The following KCNQ1 variants were observed in gnomAD, a reference collection of about 807,000 sequenced individuals.
The protein encoded by KCNQ1 is potassium voltage-gated channel subfamily Q member 1.
A neutral mutation model predicts 72.4 loss-of-function variants in KCNQ1; 49 were observed. That is an observed-to-expected ratio of 0.68 (90% CI 0.54 to 0.86). The LOEUF (loss-of-function observed/expected upper bound fraction) is 0.86, where lower values mean the gene tolerates loss of function less well. KCNQ1 is among the 40% of genes least tolerant of loss of function. The pLI is 0.00. For missense variants in KCNQ1, 790 were observed against 945.1 expected (o/e 0.84, Z 2.15); for synonymous variants, 450 against 412.6 (o/e 1.09, Z -1.10).
intron 15 of KCNQ1, among the ~76,000 whole-genome samples, chr11:2,811,169 T>A (rs1847478486): frequency 6.6e-6 from 1 of 152,184 alleles, no homozygotes; most frequent in Non-Finnish European, 1.5e-5. Flanking sequence ...CACACCCCTG[T>A]ACAGCTACCC....
chr11:2,694,743 A>T, intron 11 of KCNQ1: 1 of 398,652 alleles, frequency 2.5e-6, no homozygotes, highest in East Asian at 3.6e-5. Flanking sequence ...AAATAAGTAG[A>T]TGTCTAAGGA....
rs777986556 is a variant in KCNQ1, at chr11:2,813,888, C to A, written c.1795-33879C>A. Among the ~76,000 whole-genome samples the A allele has an allele frequency of 6.6e-6, 1 of 151,072 alleles. No homozygotes were observed. The highest frequency in any genetic ancestry group is 2.4e-5 in the African/African-American group (1 of 40,982). On this transcript the variant is annotated intron_variant, in intron 15 of 15. Transcript: ENST00000155840. The surrounding 1 kb of genome is among the most constrained non-coding windows in gnomAD (Gnocchi z 4.4). ...GGAGGGAGGGTTGCAGAAAGGGATG[C>A]GTGGAAGGATGGTTGATGGATGGAT...
At position 2,481,319 on chromosome 11, in the gene KCNQ1, GC is replaced by G. The variant is rs1237408571; in HGVS notation, c.386+35836del. 1.3e-5 allele frequency among the ~76,000 whole-genome samples: 2 copies of G among 152,224 alleles called. No homozygotes were observed. Among genetic ancestry groups the G allele is most frequent in the African/African-American group, 4.8e-5 (2 of 41,452 alleles). ...ATCGTACCAAAAGCCAGAGATGCCA[GC>G]TTTTAGTTTCCTGCTAGTCTTTTTC... On this transcript the variant is annotated intron_variant, in intron 1 of 15. Transcript: ENST00000155840. This position sits in a 1 kb window ranked among gnomAD's most constrained non-coding sequence, Gnocchi z 4.6.
At position 2,501,718 on chromosome 11, in the gene KCNQ1, C is replaced by CAAAA. The variant is rs55865890; in HGVS notation, c.387-26184_387-26181dup. Among the ~76,000 whole-genome samples the CAAAA allele has an allele frequency of 7.4e-4, 51 of 68,904 alleles. 1 individual carries two copies. Among genetic ancestry groups the CAAAA allele is most frequent in the Admixed American group, 1.4e-3 (8 of 5,818 alleles). The allele number at this position is 68,904 out of a possible 152,430, so 45.2% of individuals were successfully genotyped here. ...TTACCAAAACCAGACAAAGATACAT[C>CAAAA]AAAAAAAAAAAAAAAAAAAAAAAAA... On this transcript the variant is annotated intron_variant, in intron 1 of 15. Coordinates refer to ENST00000155840, the MANE Select transcript of KCNQ1 (RefSeq NM_000218.3).
Position 2,445,141 on chromosome 11 carries a change from T to G in KCNQ1, c.43T>G (p.Trp15Gly). The G allele has an allele frequency of 2.7e-6, 3 of 1,123,128 alleles. No individual in the cohort carries two copies. Among genetic ancestry groups the G allele is most frequent in the East Asian group, 5.0e-5 (1 of 19,950 alleles). The allele number at this position is 1,123,128 out of a possible 1,614,324, so 69.6% of individuals were successfully genotyped here. The stretch of plus-strand genomic sequence containing the variant: ...CCCGCCCAGGGCCGAGAGGAAGCGC[T>G]GGGGTTGGGGCCGCCTGCCAGGCGC... ...SSPPRAERKR[W>G]GWGRLPGARR... is the part of the protein sequence containing the mutation. Residue 15 changes from tryptophan to glycine, a missense_variant, in exon 1 of 16, where the codon TGG (tryptophan) becomes GGG (glycine). Coordinates refer to ENST00000155840, the MANE Select transcript of KCNQ1 (RefSeq NM_000218.3).
At chr11:2,726,510 A>T (rs1845766917) in intron 11 of KCNQ1, among the ~76,000 whole-genome samples, 1 of 152,136 alleles carries the variant, frequency 6.6e-6, no homozygotes, top group African/African-American at 2.4e-5. Context: ...TGCAGGTTCC[A>T]GCCGTCCCCC....
chr11:2,612,435 T>C lies in KCNQ1; in HGVS notation c.1393+23581T>C. On this transcript the variant is annotated intron_variant, in intron 10 of 15. Coordinates refer to ENST00000155840, the MANE Select transcript of KCNQ1 (RefSeq NM_000218.3). The surrounding 1 kb of genome is among the most constrained non-coding windows in gnomAD (Gnocchi z 5.5). ...ATGGGTATCTCTTCATTTTTCTTCA[T>C]TATTTTTCTTTCTATTCTTCAGTCT... The C allele has an allele frequency of 2.5e-6, 1 of 398,658 alleles. No individual in the cohort carries two copies. The allele number at this position is 398,658 out of a possible 1,614,324, so 24.7% of individuals were successfully genotyped here.
At chr11:2,701,660 A>G (rs944446362) in intron 11 of KCNQ1, among the ~76,000 whole-genome samples, 4 of 152,342 alleles carry the variant, frequency 2.6e-5, no homozygotes, top group East Asian at 1.9e-4. Flanking sequence ...TCAGCTCCCA[A>G]GTGGCTTTCC....
At position 2,713,252 on chromosome 11, in the gene KCNQ1, C is replaced by T. The variant is rs1347805941; in HGVS notation, c.1514+51171C>T. Among the ~76,000 whole-genome samples, 2 of 152,152 alleles carry T rather than the reference C, an allele frequency of 1.3e-5. No individual in the cohort carries two copies. Among genetic ancestry groups the T allele is most frequent in the Admixed American group, 1.3e-4 (2 of 15,284 alleles). On this transcript the variant is annotated intron_variant, in intron 11 of 15. Coordinates refer to ENST00000155840, the MANE Select transcript of KCNQ1 (RefSeq NM_000218.3). This position sits in a 1 kb window ranked among gnomAD's most constrained non-coding sequence, Gnocchi z 5.6. ...CCAGCCGGACCTGCATCCCGCTCCT[C>T]CTCCGCTCCCTGGAAACGTTCCCTG...
rs1590073231 is a variant in KCNQ1 at position 2,762,086 on chromosome 11, C to A, written c.1515-6758C>A. ...CCTTCACGGTCAGGCACCTATGACT[C>A]CCCGTTCCCTGCCTGCTCCCAGGCT... On this transcript the variant is annotated intron_variant, in intron 11 of 15. Coordinates refer to ENST00000155840, the MANE Select transcript of KCNQ1 (RefSeq NM_000218.3). This position sits in a 1 kb window ranked among gnomAD's most constrained non-coding sequence, Gnocchi z 4.3. Among the ~76,000 whole-genome samples the A allele has an allele frequency of 6.6e-6, 1 of 152,208 alleles. No individual in the cohort carries two copies. The highest frequency in any genetic ancestry group is 2.1e-4 in the South Asian group (1 of 4,832).
Position 2,664,671 on chromosome 11 carries a change from G to A in KCNQ1, c.1514+2590G>A. 1 of 398,806 alleles carries A rather than the reference G, an allele frequency of 2.5e-6. No homozygotes were observed. The highest frequency in any genetic ancestry group is 4.4e-6 in the Non-Finnish European group (1 of 226,238). 24.7% of individuals were successfully genotyped at this position (398,806 alleles called of 1,614,324 possible). On this transcript the variant is annotated intron_variant, in intron 11 of 15. Coordinates refer to ENST00000155840, the MANE Select transcript of KCNQ1 (RefSeq NM_000218.3). This position sits in a 1 kb window ranked among gnomAD's most constrained non-coding sequence, Gnocchi z 5.1. ...TGCTCAGGGATGCAGCGAAGCTCCT[G>A]TGGGCAGCCTGGCCCCATGGACCCT...
chr11:2,702,909 G>A (rs1019645448), intron 11 of KCNQ1, among the ~76,000 whole-genome samples: 19 of 152,182 alleles, frequency 1.2e-4, no homozygotes, highest in African/African-American at 4.3e-4. Flanking sequence ...CCGTCAATCA[G>A]CCAGCGCCGC....
At chr11:2,662,961 C>T in intron 11 of KCNQ1, 1 of 398,724 alleles carries the variant, frequency 2.5e-6, no homozygotes, top group Non-Finnish European at 4.4e-6. Context: ...CCTGGGCCTC[C>T]TGCCTTTGCA....
intron 11 of KCNQ1, among the ~76,000 whole-genome samples, chr11:2,742,329 A>T (rs1846068957): frequency 6.6e-6 from 1 of 152,172 alleles, no homozygotes; most frequent in Non-Finnish European, 1.5e-5. Context: ...CATCAGCTAC[A>T]ATGAGAGGCA....
Position 2,651,498 on chromosome 11 carries a change from C to T in KCNQ1, c.1394-10463C>T. 5.0e-6 allele frequency: 2 copies of T among 398,680 alleles called. No individual in the cohort carries two copies. The highest frequency in any genetic ancestry group is 4.4e-5 in the Admixed American group (1 of 22,746). The allele number at this position is 398,680 out of a possible 1,614,324, so 24.7% of individuals were successfully genotyped here. ...TGGTGGGCTTGCATTAAGAAGCTGT[C>T]AGTGTGAAGAACGTGAATGCTAAGG... On this transcript the variant is annotated intron_variant, in intron 10 of 15. Transcript: ENST00000155840. This position sits in a 1 kb window ranked among gnomAD's most constrained non-coding sequence, Gnocchi z 6.1.
Position 2,661,607 on chromosome 11 carries a change from CCTGTCACCT to C in KCNQ1, c.1394-349_1394-341del. On this transcript the variant is annotated intron_variant, in intron 10 of 15. Transcript: ENST00000155840. This position sits in a 1 kb window ranked among gnomAD's most constrained non-coding sequence, Gnocchi z 5.9. Reference sequence around the variant, plus strand: ...GCTGTTGTCCCTTACCAGGCCTGTGCCTGTCACCTCTGTTTTATTCTTGACCCAAGTGTC... The same window carrying C: ...GCTGTTGTCCCTTACCAGGCCTGTGCCTGTTTTATTCTTGACCCAAGTGTC... 1 of 579,462 alleles carries C rather than the reference CCTGTCACCT, an allele frequency of 1.7e-6. No homozygotes were observed. The highest frequency in any genetic ancestry group is 3.1e-6 in the Non-Finnish European group (1 of 325,486). The allele number at this position is 579,462 out of a possible 1,614,324, so 35.9% of individuals were successfully genotyped here. A position where few individuals can be genotyped will look rare whatever the true frequency, so the allele number is the denominator to read the frequency against.
In KCNQ1 at chr11:2,481,442, G is replaced by A. The variant is rs971964872; in HGVS notation, c.386+35958G>A. On this transcript the variant is annotated intron_variant, in intron 1 of 15. Coordinates refer to ENST00000155840, the MANE Select transcript of KCNQ1 (RefSeq NM_000218.3). The surrounding 1 kb of genome is among the most constrained non-coding windows in gnomAD (Gnocchi z 4.6). ...ACACACACAGTGCAGTCAGGAGTGAGTTGCACGTCTACAGCTAGGCTGCTT... is the reference window on the plus strand; with the variant it reads ...ACACACACAGTGCAGTCAGGAGTGAATTGCACGTCTACAGCTAGGCTGCTT... 1.7e-4 allele frequency among the ~76,000 whole-genome samples: 26 copies of A among 152,172 alleles called. No individual in the cohort carries two copies. The highest frequency in any genetic ancestry group is 6.3e-4 in the African/African-American group (26 of 41,426).
intron 15 of KCNQ1, among the ~76,000 whole-genome samples, chr11:2,779,063 A>G (rs1206891898): frequency 1.3e-5 from 2 of 152,246 alleles, no homozygotes; most frequent in South Asian, 2.1e-4. Context: ...GCCTGGCCCC[A>G]TGGGGCTGTG....
chr11:2,835,063 G>A (rs933136168), intron 15 of KCNQ1, among the ~76,000 whole-genome samples: 3 of 152,134 alleles, frequency 2.0e-5, no homozygotes, highest in Non-Finnish European at 4.4e-5. Flanking sequence ...GAGGGAGGGC[G>A]GCCCTGTCCT....
Sources: allele counts gnomAD v4.1 joint callset (sites outside exome capture counted in the v4.1 genomes callset), GRCh38; gene constraint gnomAD v4.1.1; non-coding constraint Gnocchi (gnomAD v3.1); transcripts MANE v1.5; gene names NCBI Gene and HGNC (gene_info 2026-07-23, HGNC 2026-07-21).